The following CSMD1 variants were observed in gnomAD, a reference collection of about 807,000 sequenced individuals.
CSMD1 encodes CUB and Sushi multiple domains 1, also known as CUB and sushi domain-containing protein 1.
In CSMD1, 213 loss-of-function variants were observed where a neutral mutation model predicts 417.5. The ratio of observed to expected loss-of-function variants is 0.51; its 90% CI spans 0.46 to 0.57. CSMD1 has a LOEUF of 0.57. CSMD1 is among the 20% of genes least tolerant of loss of function. CSMD1 has a pLI of 0.00. For synonymous variants in CSMD1, 2,862 were observed against 1,736.8 expected (o/e 1.65, Z -16.11); for missense variants, 6,923 against 4,529.7 (o/e 1.53, Z -15.17).
chr8:3,392,620 C>T (rs1369416533), intron 17 of CSMD1, among the ~76,000 whole-genome samples: 2 of 152,064 alleles, frequency 1.3e-5, no homozygotes, highest in Non-Finnish European at 2.9e-5. Flanking sequence ...CTGCCTTCAC[C>T]TTATTCAGAA....
rs2740869 is a variant in CSMD1 at position 3,946,801 on chromosome 8, C to G, written c.818+51102G>C. 8.8e-3 allele frequency among the ~76,000 whole-genome samples: 1,342 copies of G among 152,144 alleles called. 50 individuals are homozygous for G. In the East Asian group the frequency reaches 0.12, roughly 14 times the overall value. On this transcript the variant is annotated intron_variant, in intron 5 of 69. Coordinates refer to ENST00000635120, the MANE Select transcript of CSMD1 (RefSeq NM_033225.6). ...TGCATGTATCTTCTTAAATTTATTA[C>G]TAAATCTGTCATATTTTAATTCTGT...
rs1397430302 is a variant in CSMD1 at position 4,947,759 on chromosome 8, T to C, written c.85+46573A>G. ...CTTGCTTGATACATTATAAAACTAG[T>C]GTCCTACTTGAATTTGCATTTTTTC... is the stretch of plus-strand genomic sequence containing the variant. On this transcript the variant is annotated intron_variant, in intron 1 of 69. Transcript: ENST00000635120. Among the ~76,000 whole-genome samples, 5 of 152,062 alleles carry C rather than the reference T, an allele frequency of 3.3e-5. No homozygotes were observed. In the East Asian group the frequency reaches 9.6e-4, roughly 29 times the overall value.
intron 25 of CSMD1, among the ~76,000 whole-genome samples, chr8:3,287,389 G>A (rs916327991): frequency 6.6e-6 from 1 of 151,990 alleles, no homozygotes; most frequent in African/African-American, 2.4e-5. Flanking sequence ...AAATTACCTT[G>A]GGCAGTATGG....
chr8:4,248,189 T>G (rs1052604880), intron 3 of CSMD1, among the ~76,000 whole-genome samples: 7 of 152,190 alleles, frequency 4.6e-5, no homozygotes, highest in Non-Finnish European at 8.8e-5. Context: ...CCTGGAAATT[T>G]CATGACATGA....
At chr8:3,782,877 C>T (rs1430726056) in intron 5 of CSMD1, among the ~76,000 whole-genome samples, 1 of 152,048 alleles carries the variant, frequency 6.6e-6, no homozygotes, top group South Asian at 2.1e-4. Flanking sequence ...AATACTATAC[C>T]GTGAGCCATT....
intron 3 of CSMD1, among the ~76,000 whole-genome samples, chr8:4,213,971 G>T (rs901253546): frequency 6.6e-6 from 1 of 152,174 alleles, no homozygotes. Flanking sequence ...TTAACACATG[G>T]TGTCTTTCAA....
chr8:3,532,158 G>C lies in CSMD1; in HGVS notation c.1345-38432C>G, dbSNP rs528429610. On this transcript the variant is annotated intron_variant, in intron 10 of 69. Coordinates refer to ENST00000635120, the MANE Select transcript of CSMD1 (RefSeq NM_033225.6). ...TCTGGAGTAGAAAGGTGTTCGCTTT[G>C]TTTCTCCTATGAAATTTCTGCTCTA... Among the ~76,000 whole-genome samples the C allele has an allele frequency of 2.0e-5, 3 of 152,226 alleles. 1 individual carries two copies. The highest frequency in any genetic ancestry group is 4.1e-4 in the South Asian group (2 of 4,820).
At chr8:3,021,800 G>C (rs1312319727) in intron 51 of CSMD1, among the ~76,000 whole-genome samples, 1 of 141,296 alleles carries the variant, frequency 7.1e-6, no homozygotes, top group Non-Finnish European at 1.5e-5. Flanking sequence ...CATAGCATCT[G>C]GAATGCACCC....
chr8:3,521,582 T>C (rs910498306), intron 10 of CSMD1, among the ~76,000 whole-genome samples: 3 of 152,196 alleles, frequency 2.0e-5, no homozygotes, highest in Non-Finnish European at 4.4e-5. Flanking sequence ...TTACTGACCA[T>C]CATTGCTCCT....
At chr8:3,325,797 C>G (rs1806490159) in intron 23 of CSMD1, among the ~76,000 whole-genome samples, 1 of 152,274 alleles carries the variant, frequency 6.6e-6, no homozygotes, top group Middle Eastern at 3.4e-3. Flanking sequence ...GCACTCCAGC[C>G]TGGGCGACAG....
chr8:3,605,683 T>A (rs986090851), intron 8 of CSMD1, among the ~76,000 whole-genome samples: 6 of 152,224 alleles, frequency 3.9e-5, no homozygotes, highest in African/African-American at 1.4e-4. Flanking sequence ...ATCCTCGAGA[T>A]AAAAATATGC....
intron 10 of CSMD1, among the ~76,000 whole-genome samples, chr8:3,520,817 A>C (rs1277590337): frequency 2.0e-5 from 3 of 152,130 alleles, no homozygotes; most frequent in Admixed American, 1.3e-4. Context: ...CTCCACTAGG[A>C]AACATCAACA....
chr8:3,477,007 G>T (rs1027732335), intron 11 of CSMD1, among the ~76,000 whole-genome samples: 1 of 152,048 alleles, frequency 6.6e-6, no homozygotes, highest in African/African-American at 2.4e-5. Context: ...GTATTTTGAA[G>T]TGAAGGGAAT....
At chr8:3,526,396 T>C (rs1045759117) in intron 10 of CSMD1, among the ~76,000 whole-genome samples, 1 of 152,036 alleles carries the variant, frequency 6.6e-6, no homozygotes, top group Non-Finnish European at 1.5e-5. Context: ...CAATCCTAAA[T>C]ATATTTAAAT....
rs189888848 is a variant in CSMD1 at position 3,027,551 on chromosome 8, G to T, written c.7855+1768C>A. On this transcript the variant is annotated intron_variant, in intron 51 of 69. Coordinates refer to ENST00000635120, the MANE Select transcript of CSMD1 (RefSeq NM_033225.6). Reference sequence around the variant, plus strand: ...ATTTCAGCTGGAATCCAGTGACTCTGGAAAATGCCACGTGTACACGATGAC... The same window carrying T: ...ATTTCAGCTGGAATCCAGTGACTCTTGAAAATGCCACGTGTACACGATGAC... Among the ~76,000 whole-genome samples the T allele has an allele frequency of 3.4e-3, 515 of 152,326 alleles. 14 individuals carry two copies. Among genetic ancestry groups the T allele is most frequent in the Admixed American group, 0.032 (483 of 15,302 alleles).
intron 1 of CSMD1, among the ~76,000 whole-genome samples, chr8:4,893,840 C>A (rs1023710289): frequency 2.6e-5 from 4 of 152,078 alleles, no homozygotes; most frequent in Admixed American, 1.3e-4. Flanking sequence ...CGGTGAGTAG[C>A]ATACAGTTGT....
intron 2 of CSMD1, among the ~76,000 whole-genome samples, chr8:4,606,039 T>A (rs2130778033): frequency 6.6e-6 from 1 of 152,326 alleles, no homozygotes; most frequent in Non-Finnish European, 1.5e-5. Context: ...GGTTGGAGTC[T>A]ATTTCTATTT....
At chr8:3,572,386 C>T (rs905610602) in intron 10 of CSMD1, among the ~76,000 whole-genome samples, 1 of 152,144 alleles carries the variant, frequency 6.6e-6, no homozygotes, top group Non-Finnish European at 1.5e-5. Context: ...AGGAGAGGGG[C>T]TTGGAGCAAC....
At chr8:3,320,054 A>G (rs898327643) in intron 23 of CSMD1, among the ~76,000 whole-genome samples, 3 of 152,080 alleles carry the variant, frequency 2.0e-5, no homozygotes, top group African/African-American at 4.8e-5. Context: ...CATCACTACC[A>G]TGAACTCCAG....
Sources: gnomAD v4.1 joint callset for allele counts (sites outside exome capture counted in the v4.1 genomes callset) on GRCh38, gnomAD v4.1.1 for gene constraint, MANE v1.5 for transcripts, NCBI Gene and HGNC (gene_info 2026-07-23, HGNC 2026-07-21) for gene names.